The following SORCS3 variants were observed in gnomAD, a reference collection of about 807,000 sequenced individuals.
SORCS3 encodes sortilin related VPS10 domain containing receptor 3, also known as VPS10 domain-containing receptor SorCS3.
In SORCS3, 57 loss-of-function variants were observed where a neutral mutation model predicts 146.3. That is an observed-to-expected ratio of 0.39 (90% CI 0.31 to 0.49). The LOEUF is 0.49. SORCS3 is among the 20% of genes least tolerant of loss of function. The pLI is 0.92. For missense variants in SORCS3, 1,341 were observed against 1,575.5 expected (o/e 0.85, Z 2.52); for synonymous variants, 653 against 618.5 (o/e 1.06, Z -0.83).
chr10:105,122,073 G>A (rs1426087872), intron 7 of SORCS3, among the ~76,000 whole-genome samples: 7 of 152,128 alleles, frequency 4.6e-5, no homozygotes, highest in Non-Finnish European at 8.8e-5. Context: ...GCTCCCTGGA[G>A]AATTCCTTTT....
At chr10:104,928,511 TGGTGAAA>T (rs1323028791) in intron 3 of SORCS3, among the ~76,000 whole-genome samples, 5 of 149,188 alleles carry the variant, frequency 3.4e-5, no homozygotes, top group African/African-American at 1.3e-4. Context: ...TCACCACCAC[TGGTGAAA>T]GAAATGACTC....
intron 2 of SORCS3, among the ~76,000 whole-genome samples, chr10:104,844,600 T>C (rs141776337): frequency 6.6e-6 from 1 of 152,290 alleles, no homozygotes; most frequent in African/African-American, 2.4e-5. Context: ...ATTGCCAGGA[T>C]TGAAGTCCCA....
At chr10:104,726,978 G>T (rs906446330) in intron 1 of SORCS3, among the ~76,000 whole-genome samples, 1 of 152,182 alleles carries the variant, frequency 6.6e-6, no homozygotes, top group African/African-American at 2.4e-5. Flanking sequence ...TGAATTCCCT[G>T]TTGGGCCTCT....
intron 5 of SORCS3, among the ~76,000 whole-genome samples, chr10:105,073,482 G>C (rs1343446930): frequency 6.6e-6 from 1 of 152,198 alleles, no homozygotes; most frequent in Non-Finnish European, 1.5e-5. Context: ...GCCCTTGCTT[G>C]TTGCTGAAGA....
intron 5 of SORCS3, among the ~76,000 whole-genome samples, chr10:105,059,352 G>T (rs1037475371): frequency 3.3e-5 from 5 of 152,106 alleles, no homozygotes; most frequent in Non-Finnish European, 5.9e-5. Flanking sequence ...TGCTTTGCAG[G>T]CTGCAAAGAA....
chr10:105,185,755 T>A (rs1038336970), intron 14 of SORCS3, among the ~76,000 whole-genome samples: 2 of 152,208 alleles, frequency 1.3e-5, no homozygotes, highest in African/African-American at 4.8e-5. Context: ...GATATTTTCA[T>A]TATTGTCCAT....
chr10:105,134,954 C>T (rs2056048898), intron 7 of SORCS3, among the ~76,000 whole-genome samples: 1 of 152,008 alleles, frequency 6.6e-6, no homozygotes, highest in Non-Finnish European at 1.5e-5. Context: ...CCTGTGAAAT[C>T]AAACAAGTTA....
At chr10:105,148,433 G>GA (rs1029788449) in intron 9 of SORCS3, among the ~76,000 whole-genome samples, 5 of 151,946 alleles carry the variant, frequency 3.3e-5, no homozygotes, top group African/African-American at 9.7e-5. Context: ...GAGAAAGAGA[G>GA]AAAAAAAGAA....
At chr10:105,180,508 G>A (rs143816443) in intron 14 of SORCS3, among the ~76,000 whole-genome samples, 1 of 152,148 alleles carries the variant, frequency 6.6e-6, no homozygotes, top group South Asian at 2.1e-4. Context: ...TGTTAAGGGA[G>A]TAAGACTATG....
intron 1 of SORCS3, among the ~76,000 whole-genome samples, chr10:104,693,153 TC>T (rs2016134238): frequency 6.6e-6 from 1 of 152,184 alleles, no homozygotes; most frequent in Admixed American, 6.5e-5. Context: ...GGCTGGCAGA[TC>T]CAGGAACCTT....
intron 5 of SORCS3, among the ~76,000 whole-genome samples, chr10:105,054,215 G>A (rs148158117): frequency 0.013 from 1,939 of 151,676 alleles, 24 homozygotes; most frequent in African/African-American, 0.034. Context: ...TTATTCTTTG[G>A]TTTTTAATTG....
intron 1 of SORCS3, among the ~76,000 whole-genome samples, chr10:104,679,056 G>A (rs576831897): frequency 6.6e-6 from 1 of 152,302 alleles, no homozygotes; most frequent in South Asian, 2.1e-4. Flanking sequence ...TGGCCTCAGA[G>A]GACAAAAGTT....
chr10:104,897,810 G>A (rs745888321), intron 2 of SORCS3, among the ~76,000 whole-genome samples: 5 of 152,148 alleles, frequency 3.3e-5, no homozygotes, highest in Non-Finnish European at 5.9e-5. Flanking sequence ...TCCTGTTCTG[G>A]TCGCTAATGA....
intron 20 of SORCS3, among the ~76,000 whole-genome samples, chr10:105,244,474 T>A (rs2056854353): frequency 6.6e-6 from 1 of 152,114 alleles, no homozygotes; most frequent in South Asian, 2.1e-4. Flanking sequence ...GGGTCTACAG[T>A]GGGATTGGAG....
In SORCS3 at chr10:105,260,397, A is replaced by G. The variant is rs2056953711; in HGVS notation, c.3444-1934A>G. Among the ~76,000 whole-genome samples the G allele has an allele frequency of 1.3e-5, 2 of 152,220 alleles. 1 individual carries two copies. Among genetic ancestry groups the G allele is most frequent in the South Asian group, 4.1e-4 (2 of 4,832 alleles). On this transcript the variant is annotated intron_variant, in intron 25 of 26. Coordinates refer to ENST00000369701, the MANE Select transcript of SORCS3 (RefSeq NM_014978.3). Reference sequence around the variant, plus strand: ...TAGACTGTATTTTCATTTATATAAAAAGGAATATAAAGGCCAGCATTAATT... The same window carrying G: ...TAGACTGTATTTTCATTTATATAAAGAGGAATATAAAGGCCAGCATTAATT...
intron 1 of SORCS3, among the ~76,000 whole-genome samples, chr10:104,830,545 C>G (rs1056743284): frequency 6.6e-6 from 1 of 152,164 alleles, no homozygotes; most frequent in Non-Finnish European, 1.5e-5. Flanking sequence ...TGTGTTGTCA[C>G]ATCAGAAGCC....
At chr10:105,198,492 T>C (rs1418657454) in intron 14 of SORCS3, among the ~76,000 whole-genome samples, 1 of 152,220 alleles carries the variant, frequency 6.6e-6, no homozygotes, top group Non-Finnish European at 1.5e-5. Context: ...AGCTGTTTTG[T>C]TAAAGATTTA....
chr10:105,175,861 A>G (rs2056397717), intron 13 of SORCS3, among the ~76,000 whole-genome samples: 1 of 152,228 alleles, frequency 6.6e-6, no homozygotes, highest in African/African-American at 2.4e-5. Context: ...TATACCATAA[A>G]TGCAAAAATT....
intron 4 of SORCS3, among the ~76,000 whole-genome samples, chr10:105,019,803 G>C (rs2055188422): frequency 6.6e-6 from 1 of 152,112 alleles, no homozygotes; most frequent in South Asian, 2.1e-4. Flanking sequence ...CTTGCACACA[G>C]AAGACCATCA....
Sources: gnomAD v4.1 joint callset for allele counts (sites outside exome capture counted in the v4.1 genomes callset) on GRCh38, gnomAD v4.1.1 for gene constraint, MANE v1.5 for transcripts, NCBI Gene and HGNC (gene_info 2026-07-23, HGNC 2026-07-21) for gene names.